Variants in SYT2 observed in about 807,000 individuals in gnomAD.
SYT2 encodes the protein synaptotagmin 2, also known as synaptotagmin-2.
Under a neutral mutation model 39.9 loss-of-function variants are expected in SYT2, and 15 were observed. The observed-to-expected ratio is 0.38, with a 90% CI of 0.25 to 0.58. The LOEUF (loss-of-function observed/expected upper bound fraction) is 0.58. Among genes scored for constraint, SYT2 ranks in the 20% least tolerant of loss-of-function variants. The pLI, the probability that SYT2 is intolerant of heterozygous loss-of-function variation, is 0.70. For synonymous variants in SYT2, 181 were observed against 204.5 expected, an observed-to-expected ratio of 0.89 and a Z score of 0.98; for missense variants, 389 against 530.3, an observed-to-expected ratio of 0.73 and a Z score of 2.62.
At chr1:202,677,460 C>T (rs980366987) in intron 1 of SYT2, among the ~76,000 whole-genome samples, 1 of 152,200 alleles carries the variant, frequency 6.6e-6, no homozygotes, top group East Asian at 1.9e-4. Context: ...TGTGAGGAAG[C>T]TCAAGAAGTC....
intron 1 of SYT2, among the ~76,000 whole-genome samples, chr1:202,681,499 A>G (rs1045106649): frequency 6.6e-6 from 1 of 152,212 alleles, no homozygotes; most frequent in Non-Finnish European, 1.5e-5. Context: ...AATATCTAAG[A>G]GGCTCCCCGC....
chr1:202,625,659 C>G (rs1691381317), intron 1 of SYT2, among the ~76,000 whole-genome samples: 1 of 152,064 alleles, frequency 6.6e-6, no homozygotes, highest in South Asian at 2.1e-4. Flanking sequence ...TCCACCCAAG[C>G]CAGGCCCACG....
intron 1 of SYT2, among the ~76,000 whole-genome samples, chr1:202,657,405 G>C (rs1455196134): frequency 6.6e-6 from 1 of 152,226 alleles, no homozygotes; most frequent in African/African-American, 2.4e-5. Context: ...TTCCCTGGGA[G>C]GTGGGGTCAG....
At chr1:202,625,106 GGTGTGTGTGGTATGTGTGTCGT>G (rs1285505911) in intron 1 of SYT2, among the ~76,000 whole-genome samples, 1 of 113,944 alleles carries the variant, frequency 8.8e-6, no homozygotes, top group Non-Finnish European at 1.7e-5. Context: ...GTATGTGTGT[GGTGTGTGTGGTATGTGTGTCGT>G]GTGTGTGGCG....
rs1227963935 is a variant in SYT2 at position 202,623,283 on chromosome 1, C to A, written c.-17-17494G>T. On this transcript the variant is annotated intron_variant, in intron 1 of 8. Transcript: ENST00000367268. This position sits in a 1 kb window ranked among gnomAD's most constrained non-coding sequence, Gnocchi z 4.2. ...ATACTGCAGCACGGCGCACTCTAGC[C>A]AAGACGGAGAAGCTGCTGAGTCACA... is the stretch of plus-strand genomic sequence containing the variant. Among the ~76,000 whole-genome samples, 1 of 152,246 alleles carries A rather than the reference C, an allele frequency of 6.6e-6. No individual in the cohort carries two copies. The highest frequency in any genetic ancestry group is 2.4e-5 in the African/African-American group (1 of 41,460).
At chr1:202,699,914 G>A (rs1654069928) in intron 1 of SYT2, among the ~76,000 whole-genome samples, 1 of 151,952 alleles carries the variant, frequency 6.6e-6, no homozygotes, top group African/African-American at 2.4e-5. Context: ...TTCCCTCTCT[G>A]GGCCTTGTCT....
At chr1:202,640,124 C>T (rs1691856681) in intron 1 of SYT2, among the ~76,000 whole-genome samples, 1 of 152,176 alleles carries the variant, frequency 6.6e-6, no homozygotes, top group African/African-American at 2.4e-5. Context: ...TTGCTCTTAA[C>T]CATCAGCGCT....
Position 202,624,695 on chromosome 1 carries a change from G to A in SYT2, c.-17-18906C>T, listed in dbSNP as rs200649711. On this transcript the variant is annotated intron_variant, in intron 1 of 8. Transcript: ENST00000367268. ...TGTGGTGTTTAGTAGTGTGTGTTGC[G>A]TGTAGTAGGGTGTGTGTGTGGTATG... 7.1e-3 allele frequency among the ~76,000 whole-genome samples: 991 copies of A among 140,482 alleles called. 12 individuals carry two copies. Among genetic ancestry groups the A allele is most frequent in the East Asian group, 0.067 (298 of 4,466 alleles). 92.2% of individuals were successfully genotyped at this position (140,482 alleles called of 152,430 possible).
chr1:202,673,055 C>G (rs373549513), intron 1 of SYT2, among the ~76,000 whole-genome samples: 14 of 152,080 alleles, frequency 9.2e-5, no homozygotes, highest in East Asian at 7.7e-4. Flanking sequence ...AGTGTGTAAA[C>G]TAAATGAAAA....
intron 1 of SYT2, among the ~76,000 whole-genome samples, chr1:202,618,997 T>C (rs771459877): frequency 9.2e-5 from 14 of 152,204 alleles, no homozygotes; most frequent in African/African-American, 1.4e-4. Context: ...CACAGGCATT[T>C]GGTGGAGGAA....
intron 1 of SYT2, among the ~76,000 whole-genome samples, chr1:202,633,081 G>A (rs1373953641): frequency 2.6e-5 from 4 of 152,190 alleles, no homozygotes; most frequent in African/African-American, 4.8e-5. Flanking sequence ...GACGCGCCTC[G>A]CTTGGTGCTG....
rs547239737 is a variant in SYT2, at chr1:202,613,273, G to A, written c.-17-7484C>T. On this transcript the variant is annotated intron_variant, in intron 1 of 8. Transcript: ENST00000367268. ...TTTTTGTATTTTTAGTAGAGACGGG[G>A]TTCCACCATGTTGGCCAGGCTGGTC... Among the ~76,000 whole-genome samples, 363 of 151,960 alleles carry A rather than the reference G, an allele frequency of 2.4e-3. 2 individuals carry two copies. The highest frequency in any genetic ancestry group is 4.1e-3 in the Non-Finnish European group (278 of 67,946).
rs805962 is a variant in SYT2, at chr1:202,623,321, G to A, written c.-17-17532C>T. Among the ~76,000 whole-genome samples the A allele has an allele frequency of 1.3e-3, 204 of 152,344 alleles. 1 individual carries two copies. Among genetic ancestry groups the A allele is most frequent in the South Asian group, 8.9e-3 (43 of 4,826 alleles). On this transcript the variant is annotated intron_variant, in intron 1 of 8. Transcript: ENST00000367268. This position sits in a 1 kb window ranked among gnomAD's most constrained non-coding sequence, Gnocchi z 4.2. ...CTGCTGAGTCACAGTCCAGCCGCCT[G>A]GCCAGCCCTGAGCTGCCTGCTGGGG...
intron 3 of SYT2, 75 bp from the exon 4 acceptor site, chr1:202,603,193 G>A (rs2149069801): frequency 6.4e-7 from 1 of 1,570,298 alleles, no homozygotes; most frequent in African/African-American, 1.3e-5. Context: ...CAGGATGACG[G>A]GAAACCAGCC....
chr1:202,597,311 G>A (rs1013368399), intron 8 of SYT2, among the ~76,000 whole-genome samples: 1 of 152,148 alleles, frequency 6.6e-6, no homozygotes, highest in Non-Finnish European at 1.5e-5. Context: ...ATTGATAAAG[G>A]TTATGCTAGA....
chr1:202,680,281 C>T (rs1653491427), intron 1 of SYT2, among the ~76,000 whole-genome samples: 2 of 152,186 alleles, frequency 1.3e-5, no homozygotes, highest in South Asian at 2.1e-4. Flanking sequence ...GGAACTAGAA[C>T]ATACCAGTTT....
intron 1 of SYT2, among the ~76,000 whole-genome samples, chr1:202,667,628 C>T (rs1692505803): frequency 6.6e-6 from 1 of 152,108 alleles, no homozygotes; most frequent in South Asian, 2.1e-4. Flanking sequence ...ATCAATAAGT[C>T]AGTCAATACA....
At chr1:202,666,965 G>A (rs924965223) in intron 1 of SYT2, among the ~76,000 whole-genome samples, 8 of 152,174 alleles carry the variant, frequency 5.3e-5, no homozygotes, top group African/African-American at 1.7e-4. Flanking sequence ...CTGGGCAACT[G>A]AGCGAAACTC....
chr1:202,608,446 T>A (rs1410140693), intron 1 of SYT2, among the ~76,000 whole-genome samples: 2 of 152,032 alleles, frequency 1.3e-5, no homozygotes, highest in African/African-American at 4.8e-5. Flanking sequence ...CAAGCTAATT[T>A]TTTAATTTTT....
Sources: gnomAD v4.1 joint callset for allele counts (sites outside exome capture counted in the v4.1 genomes callset) on GRCh38, gnomAD v4.1.1 for gene constraint, Gnocchi (gnomAD v3.1) non-coding constraint, MANE v1.5 for transcripts, NCBI Gene and HGNC (gene_info 2026-07-23, HGNC 2026-07-21) for gene names.